Variants in SHTN1 observed in about 807,000 individuals in gnomAD.
SHTN1 encodes the protein shootin 1.
Under a neutral mutation model 83.1 loss-of-function variants are expected in SHTN1, and 42 were observed. The ratio of observed to expected loss-of-function variants is 0.51; its 90% confidence interval spans 0.39 to 0.65. The LOEUF is 0.65. Among genes scored for constraint, SHTN1 ranks in the 30% least tolerant of loss-of-function variants. SHTN1 has a pLI of 0.00. For synonymous variants in SHTN1, 224 were observed against 247.7 expected (o/e 0.90, Z 0.90); for missense variants, 622 against 737.8 (o/e 0.84, Z 1.82).
At chr10:117,043,220 G>A (rs1228116119) in intron 2 of SHTN1, among the ~76,000 whole-genome samples, 2 of 151,554 alleles carry the variant, frequency 1.3e-5, no homozygotes, top group Admixed American at 6.6e-5. Flanking sequence ...TTCAACCTCC[G>A]CCTCCCAGGT....
chr10:116,993,586 T>A (rs1436471919), intron 1 of SHTN1, among the ~76,000 whole-genome samples: 1 of 152,180 alleles, frequency 6.6e-6, no homozygotes, highest in Non-Finnish European at 1.5e-5. Context: ...TTAGAGTTCT[T>A]GCTTGGGTAG....
At chr10:117,035,629 G>GA (rs559530027) in intron 2 of SHTN1, among the ~76,000 whole-genome samples, 4 of 151,586 alleles carry the variant, frequency 2.6e-5, no homozygotes, top group East Asian at 3.9e-4. Context: ...AACTCTATAG[G>GA]AAAAAAAATC....
In SHTN1 at chr10:116,886,523, C is replaced by T. The variant is rs1212592034; in HGVS notation, c.1717G>A (p.Glu573Lys). The T allele has an allele frequency of 6.2e-7, 1 of 1,613,994 alleles. No homozygotes were observed. The change falls in exon 17 of 17, where the codon GAA becomes AAA. Residue 573 changes from glutamate (E) to lysine (K), a missense_variant. Glu to Lys is a moderately conservative substitution (Grantham distance 56). Around this residue, in one of 3 missense-constraint regions of SHTN1, gnomAD observed 231 missense variants for 251.6 expected, o/e 0.92. Coordinates refer to ENST00000355371, the MANE Select transcript of SHTN1 (RefSeq NM_001127211.3). ...ACTACAACTGGTTCGGCTTGTTTTT[C>T]ACCGTCAATGTATTTTTTCCTGCAT... is the stretch of plus-strand genomic sequence containing the variant. ...IGCRKKYIDG[E>K]KQAEPVVVLD...
intron 2 of SHTN1, among the ~76,000 whole-genome samples, chr10:117,018,652 A>G (rs942046073): frequency 6.6e-6 from 1 of 150,598 alleles, no homozygotes; most frequent in Non-Finnish European, 1.5e-5. Flanking sequence ...GCTCACTGCA[A>G]CCTCTGACTC....
chr10:117,019,982 G>A (rs914068715), intron 2 of SHTN1, among the ~76,000 whole-genome samples: 8 of 152,104 alleles, frequency 5.3e-5, no homozygotes, highest in South Asian at 2.1e-4. Flanking sequence ...ATCTACAGAC[G>A]TGATGTAATT....
At position 116,940,578 on chromosome 10, in the gene SHTN1, C is replaced by T. The variant is rs753378782; in HGVS notation, c.746G>A (p.Ser249Asn). The T allele has an allele frequency of 1.9e-6, 3 of 1,611,312 alleles. No homozygotes were observed. The highest frequency in any genetic ancestry group is 1.7e-6 in the Non-Finnish European group (2 of 1,178,488). The part of the protein sequence containing the change: ...FIEQNKLKRQ[S>N]HLLLQSSIPD... Reference sequence around the variant, plus strand: ...GATGGAGCTCTGCAGCAGAAGGTGGCTTTGTCTCTTTAGCTTGTTTTGCTC... The same window carrying T: ...GATGGAGCTCTGCAGCAGAAGGTGGTTTTGTCTCTTTAGCTTGTTTTGCTC... The change falls in exon 9 of 17, where the codon AGC becomes AAC. Residue 249 changes from serine (S) to asparagine (N), a missense_variant. Ser to Asn is a conservative substitution (Grantham distance 46, BLOSUM62 1). Around this residue, in one of 3 missense-constraint regions of SHTN1, gnomAD observed 383 missense variants for 455.8 expected, o/e 0.84. Transcript: ENST00000355371.
At chr10:117,101,203 C>T (rs1426965479) in intron 1 of SHTN1, among the ~76,000 whole-genome samples, 2 of 152,188 alleles carry the variant, frequency 1.3e-5, no homozygotes, top group Admixed American at 6.5e-5. Flanking sequence ...CTTTTCACTA[C>T]ACTGTGCTGG....
intron 1 of SHTN1, among the ~76,000 whole-genome samples, chr10:117,112,298 A>G (rs892636795): frequency 4.6e-5 from 7 of 152,100 alleles, no homozygotes; most frequent in Admixed American, 1.3e-4. Context: ...CCTGGTCATC[A>G]GAAGCAGGAT....
chr10:117,077,350 A>C (rs1853174646), intron 1 of SHTN1, among the ~76,000 whole-genome samples: 1 of 152,186 alleles, frequency 6.6e-6, no homozygotes, highest in African/African-American at 2.4e-5. Context: ...GTGTGTGGAG[A>C]ATAACTCTAC....
At chr10:117,070,953 A>G (rs758323808) in intron 1 of SHTN1, among the ~76,000 whole-genome samples, 1 of 152,110 alleles carries the variant, frequency 6.6e-6, no homozygotes, top group Admixed American at 6.5e-5. Flanking sequence ...TGTTGGTTTT[A>G]TAAGGATCCA....
chr10:117,107,141 C>A (rs114389819), intron 1 of SHTN1, among the ~76,000 whole-genome samples: 1,605 of 152,256 alleles, frequency 0.011, 28 homozygotes, highest in African/African-American at 0.036. Context: ...TTACTATATG[C>A]CTGGTAGAGT....
chr10:116,917,803 T>C (rs2133358734), intron 12 of SHTN1, among the ~76,000 whole-genome samples: 1 of 152,336 alleles, frequency 6.6e-6, no homozygotes, highest in East Asian at 1.9e-4. Flanking sequence ...CTGTATTGTG[T>C]ACAGATTATA....
intron 1 of SHTN1, among the ~76,000 whole-genome samples, chr10:117,114,790 CCTAA>C (rs1853820903): frequency 6.6e-6 from 1 of 152,186 alleles, no homozygotes; most frequent in Non-Finnish European, 1.5e-5. Context: ...TCCAGAGGCG[CCTAA>C]CTGACTCCTT....
chr10:116,980,030 G>T (rs984913424), intron 1 of SHTN1, among the ~76,000 whole-genome samples: 3 of 151,868 alleles, frequency 2.0e-5, no homozygotes, highest in Non-Finnish European at 4.4e-5. Context: ...TAGGTAGAGG[G>T]GAAAGTTGTG....
intron 4 of SHTN1, 74 bp from the exon 5 acceptor site, chr10:116,954,284 A>T: frequency 1.0e-6 from 1 of 972,204 alleles, no homozygotes; most frequent in Non-Finnish European, 1.5e-6. Flanking sequence ...CAATAGACAA[A>T]TTAAGTATAT....
At chr10:117,012,510 C>A (rs1040129299) in intron 2 of SHTN1, among the ~76,000 whole-genome samples, 4 of 152,096 alleles carry the variant, frequency 2.6e-5, no homozygotes, top group African/African-American at 4.8e-5. Flanking sequence ...AAAAAAAAGT[C>A]TTTTCAAAAC....
At chr10:116,963,226 C>T (rs1274994274) in intron 3 of SHTN1, among the ~76,000 whole-genome samples, 1 of 150,076 alleles carries the variant, frequency 6.7e-6, no homozygotes, top group Non-Finnish European at 1.5e-5. Flanking sequence ...CGCCCGCCAT[C>T]ACGCCCGGCT....
chr10:116,964,599 G>C (rs1463956689), intron 3 of SHTN1, among the ~76,000 whole-genome samples: 1 of 152,186 alleles, frequency 6.6e-6, no homozygotes, highest in Non-Finnish European at 1.5e-5. Context: ...TTTTCCATGT[G>C]GTAAGGAAAG....
intron 1 of SHTN1, among the ~76,000 whole-genome samples, chr10:117,075,794 T>G (rs1853143148): frequency 6.6e-6 from 1 of 152,042 alleles, no homozygotes; most frequent in South Asian, 2.1e-4. Context: ...ATTAGAACAA[T>G]CATGTAAGGA....
Sources: gnomAD v4.1 joint callset for allele counts (sites outside exome capture counted in the v4.1 genomes callset) on GRCh38, gnomAD v4.1.1 for gene constraint, gnomAD v4.1.1 regional missense constraint, MANE v1.5 for transcripts, NCBI Gene and HGNC (gene_info 2026-07-23, HGNC 2026-07-21) for gene names.